The following DGKB variants were observed in gnomAD, a reference collection of about 807,000 sequenced individuals.
DGKB encodes diacylglycerol kinase beta, also known as 90 kDa diacylglycerol kinase.
In DGKB, 67 loss-of-function variants were observed where a neutral mutation model predicts 114.3. The ratio of observed to expected loss-of-function variants is 0.59; its 90% confidence interval spans 0.48 to 0.72. The LOEUF is 0.72. Among genes scored for constraint, DGKB ranks in the 30% least tolerant of loss-of-function variants. The pLI, the probability that DGKB is intolerant of heterozygous loss-of-function variation, is 0.00. For missense variants in DGKB, 907 were observed against 975.2 expected, an observed-to-expected ratio of 0.93 and a Z score of 0.93; for synonymous variants, 398 against 323.1, an observed-to-expected ratio of 1.23 and a Z score of -2.49.
intron 12 of DGKB, 139 bp downstream of exon 12, chr7:14,682,414 G>C: frequency 1.6e-6 from 1 of 641,168 alleles, no homozygotes; most frequent in Non-Finnish European, 2.8e-6. Flanking sequence ...TTGCAAACAA[G>C]CTGAAATGAG....
intron 21 of DGKB, among the ~76,000 whole-genome samples, chr7:14,362,516 A>G (rs1815936197): frequency 6.6e-6 from 1 of 152,096 alleles, no homozygotes; most frequent in Non-Finnish European, 1.5e-5. Flanking sequence ...ATTGAAATAT[A>G]TAAAGTTTCT....
chr7:14,180,401 CTT>C (rs1782470564), intron 23 of DGKB, among the ~76,000 whole-genome samples: 1 of 152,048 alleles, frequency 6.6e-6, no homozygotes, highest in Non-Finnish European at 1.5e-5. Flanking sequence ...TTTAATTTGT[CTT>C]TGTTTTTCTG....
At chr7:14,907,020 G>A (rs1169975307), upstream of DGKB, among the ~76,000 whole-genome samples, 2 of 151,902 alleles carry the variant, frequency 1.3e-5, no homozygotes, top group Non-Finnish European at 2.9e-5. Flanking sequence ...ACCAACTTTG[G>A]CTTTAATCAT....
At chr7:14,505,454 GAAA>G (rs34743730) in intron 20 of DGKB, among the ~76,000 whole-genome samples, 1 of 132,126 alleles carries the variant, frequency 7.6e-6, no homozygotes. Context: ...ACTCCGTCTC[GAAA>G]AAAAAAAAAA....
intron 4 of DGKB, among the ~76,000 whole-genome samples, chr7:14,752,927 T>A (rs893125276): frequency 1.3e-5 from 2 of 152,242 alleles, no homozygotes; most frequent in Admixed American, 6.5e-5. Context: ...TAGTCCATAT[T>A]TGGGGAAACA....
intron 23 of DGKB, among the ~76,000 whole-genome samples, chr7:14,218,482 T>C (rs537736586): frequency 6.6e-6 from 1 of 152,246 alleles, no homozygotes; most frequent in Non-Finnish European, 1.5e-5. Flanking sequence ...TAGGTGAATT[T>C]GTTGGTGGTC....
intron 21 of DGKB, among the ~76,000 whole-genome samples, chr7:14,464,993 G>A (rs777736106): frequency 1.3e-5 from 2 of 152,090 alleles, no homozygotes; most frequent in African/African-American, 2.4e-5. Flanking sequence ...GAGTAGCAGC[G>A]ACAGGGGCGA....
At chr7:14,474,298 C>A (rs1781849890) in intron 21 of DGKB, among the ~76,000 whole-genome samples, 2 of 152,140 alleles carry the variant, frequency 1.3e-5, no homozygotes, top group Admixed American at 6.6e-5. Context: ...CTCTCTTTGC[C>A]TGCTGCCATC....
chr7:14,775,798 G>A (rs988191578), intron 2 of DGKB, among the ~76,000 whole-genome samples: 1 of 152,066 alleles, frequency 6.6e-6, no homozygotes, highest in East Asian at 1.9e-4. Context: ...TTTCAGGTAT[G>A]TTTCTATTAG....
At chr7:14,656,645 T>C (rs886598551) in intron 13 of DGKB, among the ~76,000 whole-genome samples, 2 of 151,398 alleles carry the variant, frequency 1.3e-5, no homozygotes, top group African/African-American at 2.4e-5. Flanking sequence ...CCATAAATCA[T>C]GGCAAACCAA....
chr7:14,553,865 C>CTTTTTTTTTTT lies in DGKB; in HGVS notation c.1770+20336_1770+20346dup, dbSNP rs58879064. Among the ~76,000 whole-genome samples, 47 of 71,226 alleles carry CTTTTTTTTTTT rather than the reference C, an allele frequency of 6.6e-4. 6 individuals are homozygous for CTTTTTTTTTTT. The highest frequency in any genetic ancestry group is 1.7e-3 in the East Asian group (4 of 2,406). 46.7% of individuals were successfully genotyped at this position (71,226 alleles called of 152,430 possible). ...ATATATTTGTGTGCTCCTTTACATG[C>CTTTTTTTTTTT]TTTTTTTTTTTTTTTTTTTTTTTTT... On this transcript the variant is annotated intron_variant, in intron 20 of 25. Transcript: ENST00000402815.
intron 9 of DGKB, among the ~76,000 whole-genome samples, chr7:14,689,199 ATTTTTTTTTTTTTT>A (rs551618345): frequency 3.9e-5 from 3 of 76,566 alleles, no homozygotes; most frequent in Non-Finnish European, 5.3e-5. Flanking sequence ...AACTCCTCTT[ATTTTTTTTTTTTTT>A]TTTTTTTTTT....
At chr7:14,353,725 T>C (rs1328188973) in intron 21 of DGKB, among the ~76,000 whole-genome samples, 1 of 152,174 alleles carries the variant, frequency 6.6e-6, no homozygotes, top group Non-Finnish European at 1.5e-5. Context: ...AAAACCTAAA[T>C]GAATATTTTT....
chr7:14,807,239 G>T (rs1229479850), intron 2 of DGKB, among the ~76,000 whole-genome samples: 1 of 151,836 alleles, frequency 6.6e-6, no homozygotes, highest in Non-Finnish European at 1.5e-5. Flanking sequence ...TAATTGTCTG[G>T]TCTTTCCTCT....
chr7:14,244,427 T>C (rs528330560), intron 23 of DGKB, among the ~76,000 whole-genome samples: 37 of 151,500 alleles, frequency 2.4e-4, no homozygotes, highest in Middle Eastern at 3.4e-3. Flanking sequence ...GAGGCTGAGG[T>C]GGGCGGATCA....
intron 8 of DGKB, among the ~76,000 whole-genome samples, chr7:14,694,821 C>T (rs1287387225): frequency 1.3e-5 from 2 of 151,988 alleles, no homozygotes; most frequent in African/African-American, 4.8e-5. Context: ...AATAAGCTAA[C>T]GTATTATAAG....
At chr7:14,742,409 A>G (rs1411621665) in intron 4 of DGKB, among the ~76,000 whole-genome samples, 1 of 152,254 alleles carries the variant, frequency 6.6e-6, no homozygotes, top group East Asian at 1.9e-4. Flanking sequence ...CAAGGAAAAT[A>G]CAAGCTGTAG....
chr7:14,943,012 G>T (rs36884), intron 1 of DGKB, among the ~76,000 whole-genome samples: 3 of 150,936 alleles, frequency 2.0e-5, no homozygotes, highest in Non-Finnish European at 3.0e-5. Flanking sequence ...TCATACATAC[G>T]TAGAATAATT....
chr7:14,542,209 A>G (rs191520556), intron 20 of DGKB, among the ~76,000 whole-genome samples: 5 of 152,162 alleles, frequency 3.3e-5, no homozygotes, highest in African/African-American at 9.6e-5. Flanking sequence ...TTGTAGAAAC[A>G]CAGTCTTGCT....
Sources: gnomAD v4.1 joint callset for allele counts (sites outside exome capture counted in the v4.1 genomes callset) on GRCh38, gnomAD v4.1.1 for gene constraint, MANE v1.5 for transcripts, NCBI Gene and HGNC (gene_info 2026-07-23, HGNC 2026-07-21) for gene names.